MYRIP: variants seen among roughly 807,000 people sequenced by gnomAD.
MYRIP encodes the protein rab effector MyRIP.
A neutral mutation model predicts 98.0 loss-of-function variants in MYRIP; 49 were observed. That is an observed-to-expected ratio of 0.50 (90% CI 0.40 to 0.63). MYRIP has a LOEUF of 0.63. Ranked by LOEUF, MYRIP falls within the 30% of genes least tolerant of loss-of-function variation. MYRIP has a pLI of 0.00. For missense variants in MYRIP, 1,004 were observed against 1,058.2 expected, an observed-to-expected ratio of 0.95 and a Z score of 0.71; for synonymous variants, 404 against 409.5, an observed-to-expected ratio of 0.99 and a Z score of 0.16.
chr3:40,197,918 T>A (rs1346227301), intron 10 of MYRIP, among the ~76,000 whole-genome samples: 1 of 152,242 alleles, frequency 6.6e-6, no homozygotes, highest in African/African-American at 2.4e-5. Flanking sequence ...ATTTCCACTC[T>A]GCTAGCTTAA....
chr3:40,058,614 A>C (rs1303596715), intron 3 of MYRIP, among the ~76,000 whole-genome samples: 5 of 152,120 alleles, frequency 3.3e-5, no homozygotes, highest in Non-Finnish European at 7.3e-5. Context: ...TGGCTCCTTC[A>C]CTCAGATTAT....
intron 5 of MYRIP, among the ~76,000 whole-genome samples, chr3:40,164,172 G>A (rs1441363726): frequency 1.3e-5 from 2 of 152,060 alleles, no homozygotes; most frequent in Non-Finnish European, 2.9e-5. Flanking sequence ...AGCTACCCAA[G>A]TACCTGTCAG....
chr3:40,166,992 C>A (rs767944071), intron 6 of MYRIP, 49 bp downstream of exon 6: 1 of 1,490,560 alleles, frequency 6.7e-7, no homozygotes, highest in African/African-American at 1.4e-5. Flanking sequence ...GGGTTGGGGT[C>A]CTTGCTGCCA....
intron 3 of MYRIP, among the ~76,000 whole-genome samples, chr3:40,136,367 C>T (rs1250216993): frequency 1.3e-5 from 2 of 152,182 alleles, no homozygotes; most frequent in African/African-American, 4.8e-5. Flanking sequence ...AATACAGGAG[C>T]ACCCAGATTC....
intron 2 of MYRIP, among the ~76,000 whole-genome samples, chr3:39,987,745 T>C (rs112233932): frequency 8.5e-4 from 130 of 152,362 alleles, no homozygotes; most frequent in Admixed American, 3.1e-3. Flanking sequence ...TCAGTGATGT[T>C]GGACTTTATT....
intron 4 of MYRIP, 78 bp downstream of exon 4, chr3:40,151,262 T>C: frequency 6.9e-7 from 1 of 1,449,396 alleles, no homozygotes; most frequent in East Asian, 2.4e-5. Context: ...CCCTGAACAC[T>C]GGAGCACACT....
At position 40,056,090 on chromosome 3, in the gene MYRIP, A is replaced by G. The variant is rs147655406; in HGVS notation, c.332+11819A>G. On this transcript the variant is annotated intron_variant, in intron 3 of 16. Coordinates refer to ENST00000302541, the MANE Select transcript of MYRIP (RefSeq NM_015460.4). ...AGCTTAGCCAGCACGTGTGACAGGC[A>G]TCCCTGGCTCTTTAGCGAGCTTGTG... Among the ~76,000 whole-genome samples the G allele has an allele frequency of 6.6e-4, 100 of 152,340 alleles. No homozygotes were observed. In the Middle Eastern group the frequency reaches 0.01, roughly 16 times the overall value.
At chr3:40,236,547 C>T (rs962503201) in intron 12 of MYRIP, among the ~76,000 whole-genome samples, 2 of 152,130 alleles carry the variant, frequency 1.3e-5, no homozygotes, top group African/African-American at 4.8e-5. Context: ...TTTCAGTCCT[C>T]CTGATTTGTG....
At chr3:39,844,793 A>G (rs567761721) in intron 1 of MYRIP, among the ~76,000 whole-genome samples, 1 of 152,312 alleles carries the variant, frequency 6.6e-6, no homozygotes, top group East Asian at 1.9e-4. Context: ...TGGTACTTCT[A>G]CAATTTCCCA....
At chr3:40,020,837 G>A (rs943175315) in intron 2 of MYRIP, among the ~76,000 whole-genome samples, 2 of 152,202 alleles carry the variant, frequency 1.3e-5, no homozygotes, top group Admixed American at 6.5e-5. Flanking sequence ...TAGCCAACAC[G>A]TTGATATCAA....
At chr3:39,855,749 T>G (rs1942268603) in intron 1 of MYRIP, among the ~76,000 whole-genome samples, 1 of 152,094 alleles carries the variant, frequency 6.6e-6, no homozygotes, top group Admixed American at 6.5e-5. Flanking sequence ...CAAGCATGGC[T>G]TTTGGACCTT....
At chr3:39,839,331 C>T (rs982641002) in intron 1 of MYRIP, among the ~76,000 whole-genome samples, 2 of 151,784 alleles carry the variant, frequency 1.3e-5, no homozygotes, top group African/African-American at 4.8e-5. Context: ...GATCTTGGCT[C>T]ACTGCAACCT....
Position 39,900,831 on chromosome 3 carries a change from G to A in MYRIP, c.15G>A (p.Leu5=), listed in dbSNP as rs199817378. MGRK[L]DLSGLTDDET... Reference sequence around the variant, plus strand: ...GTTGAGTAACCATGGGGAGGAAGCTGGACCTGTCTGGTTTGACTGATGATG... The same window carrying A: ...GTTGAGTAACCATGGGGAGGAAGCTAGACCTGTCTGGTTTGACTGATGATG... The change falls in exon 2 of 17, where the codon CTG becomes CTA. Residue 5 remains leucine (L), a synonymous_variant. Coordinates refer to ENST00000302541, the MANE Select transcript of MYRIP (RefSeq NM_015460.4). 1.2e-6 allele frequency: 2 copies of A among 1,613,728 alleles called. No individual in the cohort carries two copies. The highest frequency in any genetic ancestry group is 1.3e-5 in the African/African-American group (1 of 75,014).
intron 2 of MYRIP, among the ~76,000 whole-genome samples, chr3:39,935,345 A>G (rs1279973726): frequency 6.6e-6 from 1 of 152,194 alleles, no homozygotes; most frequent in East Asian, 1.9e-4. Context: ...TAAATATGAC[A>G]GTTGGTGCTC....
At chr3:40,079,229 A>AGC (rs1390406320) in intron 3 of MYRIP, among the ~76,000 whole-genome samples, 1 of 152,240 alleles carries the variant, frequency 6.6e-6, no homozygotes, top group Non-Finnish European at 1.5e-5. Flanking sequence ...AGTAAAAGGG[A>AGC]GCACCCTTCA....
rs181960305 is a variant in MYRIP, at chr3:39,872,452, G to A, written c.-30-28335G>A. Among the ~76,000 whole-genome samples, 1,336 of 151,138 alleles carry A rather than the reference G, an allele frequency of 8.8e-3. 24 individuals carry two copies. Among genetic ancestry groups the A allele is most frequent in the African/African-American group, 0.031 (1,263 of 41,060 alleles). ...GCTGCACCCATTAACTCGTCATTTAGCATTAGTTATATCTCCTAATGCTAT... is the reference window on the plus strand; with the variant it reads ...GCTGCACCCATTAACTCGTCATTTAACATTAGTTATATCTCCTAATGCTAT... On this transcript the variant is annotated intron_variant, in intron 1 of 16. Transcript: ENST00000302541.
At chr3:40,024,061 G>T (rs1473696961) in intron 2 of MYRIP, among the ~76,000 whole-genome samples, 1 of 152,186 alleles carries the variant, frequency 6.6e-6, no homozygotes, top group East Asian at 1.9e-4. Context: ...GGTGGAGGAA[G>T]TAGGGTACTC....
rs534673626 is a variant in MYRIP, at chr3:39,954,872, C to T, written c.110+53946C>T. 2.6e-5 allele frequency among the ~76,000 whole-genome samples: 4 copies of T among 151,828 alleles called. No individual in the cohort carries two copies. In the South Asian group the frequency reaches 8.3e-4, roughly 32 times the overall value. On this transcript the variant is annotated intron_variant, in intron 2 of 16. Transcript: ENST00000302541. ...AACCCATGGCACGAGAACTACGTGA[C>T]AAATGCACAAGCTTCAGTAGCTGAT...
intron 13 of MYRIP, among the ~76,000 whole-genome samples, chr3:40,249,686 A>G (rs1953314644): frequency 6.6e-6 from 1 of 152,148 alleles, no homozygotes; most frequent in African/African-American, 2.4e-5. Context: ...CATGTTACAA[A>G]TTAGGAAAAT....
Sources: gnomAD v4.1 joint callset for allele counts (sites outside exome capture counted in the v4.1 genomes callset) on GRCh38, gnomAD v4.1.1 for gene constraint, MANE v1.5 for transcripts, NCBI Gene and HGNC (gene_info 2026-07-23, HGNC 2026-07-21) for gene names.